ABCB1: variants seen among roughly 807,000 people sequenced by gnomAD.
ABCB1 encodes the protein ATP-dependent translocase ABCB1.
In ABCB1, 69 loss-of-function variants were observed where a neutral mutation model predicts 142.0. The ratio of observed to expected loss-of-function variants is 0.49; its 90% CI spans 0.40 to 0.59. ABCB1 has a LOEUF of 0.59. ABCB1 is among the 20% of genes least tolerant of loss of function. The pLI, the probability that ABCB1 is intolerant of heterozygous loss-of-function variation, is 0.00. For missense variants in ABCB1, 1,326 were observed against 1,554.7 expected, an observed-to-expected ratio of 0.85 and a Z score of 2.47; for synonymous variants, 532 against 539.2, an observed-to-expected ratio of 0.99 and a Z score of 0.18.
intron 20 of ABCB1, among the ~76,000 whole-genome samples, chr7:87,532,938 T>C (rs530551881): frequency 6.6e-6 from 1 of 152,280 alleles, no homozygotes; most frequent in South Asian, 2.1e-4. Context: ...CTGTCTGATA[T>C]AAACACCAGA....
chr7:87,692,612 G>T (rs965133961), intron 1 of ABCB1, among the ~76,000 whole-genome samples: 11 of 152,124 alleles, frequency 7.2e-5, no homozygotes, highest in Non-Finnish European at 1.5e-4. Flanking sequence ...CTTTAAGTCA[G>T]ATTTTCATGG....
In ABCB1 at chr7:87,541,513, A is replaced by G. The variant is rs200255150; in HGVS notation, c.2212-49T>C. ...TTTTAGTTCAATCAGTGAAGAACCC[A>G]TCCTGGACCTGACCCATTTCCCATC... On this transcript the variant is annotated intron_variant, in intron 17 of 27. Transcript: ENST00000622132. 25 of 1,270,498 alleles carry G rather than the reference A, an allele frequency of 2.0e-5. 1 individual carries two copies. The South Asian group carries it at 3.0e-4, about 15-fold the overall frequency. 78.7% of individuals were successfully genotyped at this position (1,270,498 alleles called of 1,614,324 possible).
chr7:87,549,455 C>A lies in ABCB1; in HGVS notation c.1618G>T (p.Ala540Ser), dbSNP rs201188762. The change falls in exon 14 of 28, where the codon GCC becomes TCC. Residue 540 changes from alanine to serine, a missense_variant. By Grantham distance (99) the Ala-to-Ser change is moderately conservative. Transcript: ENST00000622132. ...TTGCGAACCAGGGCACGTGCAATGG[C>A]GATCCTCTGCTTCTGCCCACCACTC... is the stretch of plus-strand genomic sequence containing the variant. ...QLSGGQKQRI[A>S]IARALVRNPK... is the part of the protein sequence containing the mutation. 1.2e-6 allele frequency: 2 copies of A among 1,614,182 alleles called. No individual in the cohort carries two copies. The highest frequency in any genetic ancestry group is 1.7e-6 in the Non-Finnish European group (2 of 1,180,040).
intron 3 of ABCB1, among the ~76,000 whole-genome samples, chr7:87,588,029 C>A (rs918257969): frequency 2.6e-5 from 4 of 151,990 alleles, no homozygotes; most frequent in Admixed American, 6.5e-5. Context: ...ACACCCCTCA[C>A]TGAGCTGGGA....
chr7:87,664,214 T>C (rs961926186), intron 1 of ABCB1, among the ~76,000 whole-genome samples: 1 of 152,096 alleles, frequency 6.6e-6, no homozygotes, highest in African/African-American at 2.4e-5. Flanking sequence ...TAGTCCAAGC[T>C]ACCCAGGAAG....
intron 1 of ABCB1, among the ~76,000 whole-genome samples, chr7:87,621,975 T>A (rs1037856882): frequency 6.6e-6 from 1 of 152,146 alleles, no homozygotes; most frequent in African/African-American, 2.4e-5. Flanking sequence ...AATGAAGTTA[T>A]ATTCTAATTT....
intron 1 of ABCB1, among the ~76,000 whole-genome samples, chr7:87,667,298 G>T (rs878975604): frequency 6.6e-6 from 1 of 152,038 alleles, no homozygotes; most frequent in Admixed American, 6.6e-5. Flanking sequence ...GGCTGTTGTT[G>T]GTGTATAGGA....
At chr7:87,634,487 T>TGG (rs1399273733) in intron 1 of ABCB1, among the ~76,000 whole-genome samples, 2 of 902 alleles carry the variant, frequency 2.2e-3, no homozygotes, top group African/African-American at 3.6e-3. Context: ...GGCGTGGTGG[T>TGG]GGGGGGTGGG....
At chr7:87,548,721 G>A (rs1188148163) in intron 14 of ABCB1, among the ~76,000 whole-genome samples, 1 of 152,146 alleles carries the variant, frequency 6.6e-6, no homozygotes, top group Non-Finnish European at 1.5e-5. Flanking sequence ...GGAGATCAAA[G>A]GCACAGTGCC....
Position 87,595,643 on chromosome 7 carries a change from A to G in ABCB1, c.117+123T>C, listed in dbSNP as rs554785545. The G allele has an allele frequency of 1.7e-5, 13 of 762,606 alleles. No individual in the cohort carries two copies. The African/African-American group carries it at 1.7e-4, about 10-fold the overall frequency. 47.2% of individuals were successfully genotyped at this position (762,606 alleles called of 1,614,324 possible). On this transcript the variant is annotated intron_variant, in intron 3 of 27. Coordinates refer to ENST00000622132, the MANE Select transcript of ABCB1 (RefSeq NM_001348946.2). ...AAAATAAGCTAAATCAAACCAATTT[A>G]TTTTGCATCTCCATTAACATACCCT...
chr7:87,551,247 C>A (rs952110307), intron 9 of ABCB1, among the ~76,000 whole-genome samples: 1 of 151,826 alleles, frequency 6.6e-6, no homozygotes, highest in Non-Finnish European at 1.5e-5. Context: ...GGTCTCCTGG[C>A]CTCAAGCAAT....
chr7:87,680,855 C>T (rs1287080200), intron 1 of ABCB1, among the ~76,000 whole-genome samples: 1 of 149,396 alleles, frequency 6.7e-6, no homozygotes, highest in Non-Finnish European at 1.5e-5. Context: ...AAATTAAACC[C>T]AAAACAAGCA....
At chr7:87,659,458 T>A (rs1824469610) in intron 1 of ABCB1, among the ~76,000 whole-genome samples, 1 of 152,178 alleles carries the variant, frequency 6.6e-6, no homozygotes, top group Non-Finnish European at 1.5e-5. Context: ...AGTTTAAAAA[T>A]CTTACCTTTC....
At position 87,608,098 on chromosome 7, in the gene ABCB1, A is replaced by G. The variant is rs541286592; in HGVS notation, c.-330-7020T>C. The stretch of plus-strand genomic sequence containing the variant: ...AAATATGATTTTAATGTCCTCAATA[A>G]TAGCAAATTTTGCCTTTTACTGATA... On this transcript the variant is annotated intron_variant, in intron 1 of 28. Transcript: ENST00000265724. Among the ~76,000 whole-genome samples the G allele has an allele frequency of 6.6e-5, 10 of 152,364 alleles. No homozygotes were observed. In the East Asian group the frequency reaches 1.3e-3, roughly 21 times the overall value.
chr7:87,692,772 A>G (rs543029698), intron 1 of ABCB1, among the ~76,000 whole-genome samples: 3 of 152,354 alleles, frequency 2.0e-5, no homozygotes, highest in Admixed American at 6.5e-5. Context: ...TTTACATTCA[A>G]TGTTGAGAAA....
At chr7:87,504,509 A>G in intron 27 of ABCB1, 60 bp from the exon 28 acceptor site, 1 of 1,597,538 alleles carries the variant, frequency 6.3e-7, no homozygotes, top group Non-Finnish European at 8.5e-7. Context: ...TTCCTCTTCC[A>G]TAAAAAGCTC....
chr7:87,713,041 G>A (rs1830228537), intron 1 of ABCB1: 1 of 152,018 alleles, frequency 6.6e-6, no homozygotes, highest in South Asian at 2.1e-4. Context: ...TTACTGAGAT[G>A]AAACCAAAGA....
intron 1 of ABCB1, among the ~76,000 whole-genome samples, chr7:87,678,524 A>G (rs1340218393): frequency 2.0e-5 from 3 of 152,252 alleles, no homozygotes; most frequent in Non-Finnish European, 4.4e-5. Context: ...CATTAAAGTT[A>G]TCCAAAAAGA....
intron 26 of ABCB1, among the ~76,000 whole-genome samples, chr7:87,508,694 A>G (rs1387709401): frequency 6.6e-6 from 1 of 152,148 alleles, no homozygotes; most frequent in African/African-American, 2.4e-5. Flanking sequence ...TGGTCACTTT[A>G]ATGGTTCAAC....
Sources: allele counts gnomAD v4.1 joint callset (sites outside exome capture counted in the v4.1 genomes callset), GRCh38; gene constraint gnomAD v4.1.1; transcripts MANE v1.5; gene names NCBI Gene and HGNC (gene_info 2026-07-23, HGNC 2026-07-21).